The following TLL1 variants were observed in gnomAD, a reference collection of about 807,000 sequenced individuals.
TLL1 encodes tolloid-like protein 1.
Under a neutral mutation model 128.2 loss-of-function variants are expected in TLL1, and 49 were observed. The ratio of observed to expected loss-of-function variants is 0.38; its 90% CI spans 0.30 to 0.48. The LOEUF is 0.48. TLL1 is among the 20% of genes least tolerant of loss of function. The pLI is 0.96. For missense variants in TLL1, 1,123 were observed against 1,242.0 expected, an observed-to-expected ratio of 0.90 and a Z score of 1.44; for synonymous variants, 454 against 418.8, an observed-to-expected ratio of 1.08 and a Z score of -1.03.
In TLL1 at chr4:166,057,107, G is replaced by A; in HGVS notation, c.1721-77G>A. 14 of 1,559,872 alleles carry A rather than the reference G, an allele frequency of 9.0e-6. No individual in the cohort carries two copies. In the South Asian group the frequency reaches 1.6e-4, roughly 17 times the overall value. On this transcript the variant is annotated intron_variant, in intron 13 of 20. Transcript: ENST00000061240. Reference sequence around the variant, plus strand: ...ATCATTCAAGGTGAGATTTGGGTGGGGACACAGCCAAACCATTTCACATAC... The same window carrying A: ...ATCATTCAAGGTGAGATTTGGGTGGAGACACAGCCAAACCATTTCACATAC...
At chr4:165,898,862 C>CT (rs1264737922) in intron 1 of TLL1, among the ~76,000 whole-genome samples, 1 of 152,104 alleles carries the variant, frequency 6.6e-6, no homozygotes. Flanking sequence ...TGGTCCTGGG[C>CT]TTTTTTTGGT....
intron 1 of TLL1, among the ~76,000 whole-genome samples, chr4:165,946,081 C>G (rs1734235360): frequency 6.6e-6 from 1 of 152,062 alleles, no homozygotes; most frequent in South Asian, 2.1e-4. Context: ...AGGAGGAATG[C>G]ACGTGGCCTT....
intron 1 of TLL1, among the ~76,000 whole-genome samples, chr4:165,902,910 ATGTT>A (rs1468582590): frequency 6.6e-6 from 1 of 152,212 alleles, no homozygotes; most frequent in Non-Finnish European, 1.5e-5. Flanking sequence ...ATTGGAGAAA[ATGTT>A]TGTGACTTTC....
intron 5 of TLL1, among the ~76,000 whole-genome samples, chr4:166,001,420 G>A (rs1737145924): frequency 6.6e-6 from 1 of 152,080 alleles, no homozygotes; most frequent in South Asian, 2.1e-4. Flanking sequence ...ATTTGGGACT[G>A]TCATACACTC....
At chr4:166,041,396 A>T (rs28405899) in intron 10 of TLL1, among the ~76,000 whole-genome samples, 1 of 150,608 alleles carries the variant, frequency 6.6e-6, no homozygotes, top group Non-Finnish European at 1.5e-5. Flanking sequence ...TGCCTCTCGG[A>T]CTCAAGCGAT....
Position 165,934,179 on chromosome 4 carries a change from T to C in TLL1, c.170-55202T>C, listed in dbSNP as rs865941644. 8.5e-3 allele frequency among the ~76,000 whole-genome samples: 1,258 copies of C among 147,420 alleles called. 12 individuals are homozygous for C. The highest frequency in any genetic ancestry group is 0.039 in the East Asian group (194 of 5,018). On this transcript the variant is annotated intron_variant, in intron 1 of 20. Transcript: ENST00000061240. ...ACGCCCAGCTAATTTTTTGCTTTTT[T>C]TTTTTTTTTTTTTTTAGTAGGGACG...
chr4:165,951,301 A>T lies in TLL1; in HGVS notation c.170-38080A>T, dbSNP rs138913129. ...TCAGATGCAGGAGGGTTGGGATTAG[A>T]GTAAGGAATTCGAATGAGAAAAATA... On this transcript the variant is annotated intron_variant, in intron 1 of 20. Transcript: ENST00000061240. Among the ~76,000 whole-genome samples, 1,346 of 152,244 alleles carry T rather than the reference A, an allele frequency of 8.8e-3. 21 individuals are homozygous for T. The highest frequency in any genetic ancestry group is 0.03 in the African/African-American group (1,250 of 41,550).
chr4:165,893,381 C>T (rs949779755), intron 1 of TLL1, among the ~76,000 whole-genome samples: 1 of 152,146 alleles, frequency 6.6e-6, no homozygotes, highest in African/African-American at 2.4e-5. Context: ...CCTGTGAGTG[C>T]CTCAGTTTAC....
intron 10 of TLL1, among the ~76,000 whole-genome samples, chr4:166,041,340 C>T (rs184076701): frequency 2.3e-4 from 33 of 146,502 alleles, no homozygotes; most frequent in Non-Finnish European, 2.7e-4. Flanking sequence ...CTTGCTCTGT[C>T]GCCAGGCTGG....
chr4:165,993,445 T>C (rs1204644652), intron 3 of TLL1, among the ~76,000 whole-genome samples: 1 of 152,070 alleles, frequency 6.6e-6, no homozygotes, highest in Non-Finnish European at 1.5e-5. Context: ...TTTAAAATCC[T>C]GTATGCATAG....
chr4:165,938,336 C>T (rs1409556079), intron 1 of TLL1, among the ~76,000 whole-genome samples: 1 of 151,950 alleles, frequency 6.6e-6, no homozygotes, highest in Admixed American at 6.6e-5. Flanking sequence ...TGATTTTATT[C>T]CCAGTGTTCT....
chr4:165,946,016 G>A (rs899900161), intron 1 of TLL1, among the ~76,000 whole-genome samples: 1 of 152,178 alleles, frequency 6.6e-6, no homozygotes, highest in Non-Finnish European at 1.5e-5. Flanking sequence ...AGAGAAATTA[G>A]AGAGAAATGA....
In TLL1 at chr4:166,047,737, G is replaced by A. The variant is rs186410717; in HGVS notation, c.1524+4318G>A. On this transcript the variant is annotated intron_variant, in intron 12 of 20. Coordinates refer to ENST00000061240, the MANE Select transcript of TLL1 (RefSeq NM_012464.5). Reference sequence around the variant, plus strand: ...ATGAGTTTCAGGAATCTTTGAGCAGGAAGGAACACTATTTGGCAGGTAATA... The same window carrying A: ...ATGAGTTTCAGGAATCTTTGAGCAGAAAGGAACACTATTTGGCAGGTAATA... Among the ~76,000 whole-genome samples the A allele has an allele frequency of 2.6e-5, 4 of 152,186 alleles. No homozygotes were observed. The East Asian group carries it at 7.7e-4, about 29-fold the overall frequency.
chr4:166,057,165 A>G lies in TLL1; in HGVS notation c.1721-19A>G. On this transcript the variant is annotated intron_variant, in intron 13 of 20. Transcript: ENST00000061240. Reference sequence around the variant, plus strand: ...CATATATATGTATAGTTGTTCTATAACTATGACCATTTTCATAGAGGAAGA... The same window carrying G: ...CATATATATGTATAGTTGTTCTATAGCTATGACCATTTTCATAGAGGAAGA... 1 of 1,613,512 alleles carries G rather than the reference A, an allele frequency of 6.2e-7. No homozygotes were observed. The highest frequency in any genetic ancestry group is 8.5e-7 in the Non-Finnish European group (1 of 1,179,690).
At chr4:165,892,369 C>A (rs1002086052) in intron 1 of TLL1, among the ~76,000 whole-genome samples, 1 of 152,102 alleles carries the variant, frequency 6.6e-6, no homozygotes, top group Non-Finnish European at 1.5e-5. Context: ...GGCAATGTAC[C>A]TTTTAAAGGA....
chr4:165,963,947 T>C (rs139265844), intron 1 of TLL1, among the ~76,000 whole-genome samples: 6 of 152,310 alleles, frequency 3.9e-5, no homozygotes, highest in Non-Finnish European at 7.3e-5. Context: ...TTAAACCATA[T>C]CTTTATGAGA....
chr4:166,005,307 G>T (rs1162124704), intron 6 of TLL1, among the ~76,000 whole-genome samples: 4 of 151,916 alleles, frequency 2.6e-5, no homozygotes, highest in African/African-American at 7.2e-5. Context: ...TGGACTTCAG[G>T]ATGTATCTAA....
chr4:165,991,656 G>A (rs944479053), intron 2 of TLL1, among the ~76,000 whole-genome samples: 22 of 149,936 alleles, frequency 1.5e-4, no homozygotes, highest in Admixed American at 5.3e-4. Context: ...TATAGCAATA[G>A]ATTTTATCAT....
chr4:165,932,821 C>A (rs1304293628), intron 1 of TLL1, among the ~76,000 whole-genome samples: 1 of 151,798 alleles, frequency 6.6e-6, no homozygotes. Context: ...TCCTCCGAGA[C>A]AATAAACTTG....
Sources: gnomAD v4.1 joint callset for allele counts (sites outside exome capture counted in the v4.1 genomes callset) on GRCh38, gnomAD v4.1.1 for gene constraint, MANE v1.5 for transcripts, NCBI Gene and HGNC (gene_info 2026-07-23, HGNC 2026-07-21) for gene names.